Variants in DPP10 observed in about 807,000 individuals in gnomAD.
The protein encoded by DPP10 is inactive dipeptidyl peptidase 10.
In DPP10, 33 loss-of-function variants were observed where a neutral mutation model predicts 120.9. The ratio of observed to expected loss-of-function variants is 0.27; its 90% CI spans 0.21 to 0.37. The LOEUF is 0.37. DPP10 is among the 10% of genes least tolerant of loss of function. The pLI, the probability that DPP10 is intolerant of heterozygous loss-of-function variation, is 1.00. For synonymous variants in DPP10, 337 were observed against 326.1 expected, an observed-to-expected ratio of 1.03 and a Z score of -0.36; for missense variants, 816 against 942.8, an observed-to-expected ratio of 0.87 and a Z score of 1.76.
At chr2:114,469,207 A>T (rs1679689145) in intron 1 of DPP10, among the ~76,000 whole-genome samples, 1 of 152,196 alleles carries the variant, frequency 6.6e-6, no homozygotes, top group African/African-American at 2.4e-5. Context: ...TTATTCCATC[A>T]TCTTAGGGCA....
At chr2:114,942,140 G>T (rs1335849859) in intron 1 of DPP10, among the ~76,000 whole-genome samples, 7 of 150,978 alleles carry the variant, frequency 4.6e-5, no homozygotes, top group African/African-American at 1.7e-4. Context: ...AGGCGCGGTG[G>T]TGGGTGCCTA....
At chr2:114,973,486 C>T (rs2104802640) in intron 1 of DPP10, among the ~76,000 whole-genome samples, 1 of 151,366 alleles carries the variant, frequency 6.6e-6, no homozygotes, top group South Asian at 2.1e-4. Context: ...ACGGTGAAAC[C>T]CCGTCTCTAC....
intron 1 of DPP10, among the ~76,000 whole-genome samples, chr2:114,518,302 T>A (rs919495283): frequency 1.3e-5 from 2 of 152,022 alleles, no homozygotes; most frequent in Non-Finnish European, 2.9e-5. Flanking sequence ...GGTCTCAAAC[T>A]CCCGGCCTCA....
chr2:115,841,579 G>A (rs1690150486), intron 25 of DPP10, among the ~76,000 whole-genome samples: 1 of 152,144 alleles, frequency 6.6e-6, no homozygotes, highest in Non-Finnish European at 1.5e-5. Flanking sequence ...ATAAACAAAT[G>A]TCAGGTCATT....
At chr2:115,448,350 C>T (rs1226175518) in intron 3 of DPP10, among the ~76,000 whole-genome samples, 2 of 152,116 alleles carry the variant, frequency 1.3e-5, no homozygotes, top group Admixed American at 1.3e-4. Flanking sequence ...ACAAACACTA[C>T]CATAAGATGA....
At chr2:114,659,121 C>A (rs1185062824) in intron 1 of DPP10, among the ~76,000 whole-genome samples, 1 of 152,164 alleles carries the variant, frequency 6.6e-6, no homozygotes, top group Non-Finnish European at 1.5e-5. Flanking sequence ...GTCTCCCCAG[C>A]AATAAGCCAG....
Position 114,542,229 on chromosome 2 carries a change from G to A in DPP10, c.60+99391G>A, listed in dbSNP as rs533313362. ...TGCCTGGCTAATTTTTGTATTTACA[G>A]TAGAGATGGGGTTTCACCATGTTGG... On this transcript the variant is annotated intron_variant, in intron 1 of 25. Transcript: ENST00000410059. 3.0e-4 allele frequency among the ~76,000 whole-genome samples: 45 copies of A among 151,936 alleles called. No individual in the cohort carries two copies. In the South Asian group the frequency reaches 4.2e-3, roughly 14 times the overall value.
intron 1 of DPP10, among the ~76,000 whole-genome samples, chr2:115,051,552 TA>T (rs1429884173): frequency 6.6e-6 from 1 of 152,174 alleles, no homozygotes; most frequent in East Asian, 1.9e-4. Context: ...TAATAGTAAA[TA>T]AATAGGCATT....
At chr2:115,689,665 A>G (rs2091199142) in intron 5 of DPP10, 22 bp from the exon 6 acceptor site, 1 of 1,407,496 alleles carries the variant, frequency 7.1e-7, no homozygotes, top group Non-Finnish European at 9.8e-7. Context: ...TATGATCAAT[A>G]ATGTTTCTTT....
chr2:115,107,227 A>G (rs2048992524), intron 1 of DPP10, among the ~76,000 whole-genome samples: 1 of 152,056 alleles, frequency 6.6e-6, no homozygotes, highest in African/African-American at 2.4e-5. Flanking sequence ...GTATTATAAC[A>G]TGAAGGGAAT....
chr2:114,813,431 T>C (rs1006934704), intron 1 of DPP10, among the ~76,000 whole-genome samples: 5 of 152,202 alleles, frequency 3.3e-5, no homozygotes, highest in African/African-American at 1.2e-4. Context: ...GCAAAGTGCT[T>C]GGCTCCTGCA....
chr2:114,972,527 T>C (rs1384608128), intron 1 of DPP10, among the ~76,000 whole-genome samples: 1 of 152,324 alleles, frequency 6.6e-6, no homozygotes, highest in East Asian at 1.9e-4. Context: ...AGCAGGAATC[T>C]AGAAACAGGG....
chr2:114,556,269 A>ATATATATATATATATATATATG (rs70937289), intron 1 of DPP10, among the ~76,000 whole-genome samples: 2 of 139,432 alleles, frequency 1.4e-5, no homozygotes, highest in African/African-American at 5.3e-5. Flanking sequence ...ATATATATAT[A>ATATATATATATATATATATATG]GGCAAATAAT....
At chr2:115,512,631 G>A (rs933764608) in intron 4 of DPP10, among the ~76,000 whole-genome samples, 3 of 151,152 alleles carry the variant, frequency 2.0e-5, no homozygotes, top group Admixed American at 2.0e-4. Flanking sequence ...TATTTCTGTT[G>A]TTATTTATTT....
At chr2:115,076,697 C>T (rs1707827359) in intron 1 of DPP10, among the ~76,000 whole-genome samples, 1 of 152,162 alleles carries the variant, frequency 6.6e-6, no homozygotes, top group African/African-American at 2.4e-5. Flanking sequence ...CCAAGTTCTA[C>T]ATCATATTAT....
chr2:114,601,273 G>A (rs1009557963), intron 1 of DPP10, among the ~76,000 whole-genome samples: 2 of 151,786 alleles, frequency 1.3e-5, no homozygotes, highest in African/African-American at 4.8e-5. Flanking sequence ...AATTGTGTAG[G>A]TGCCACCAAG....
At chr2:115,524,281 T>A (rs949837472) in intron 4 of DPP10, among the ~76,000 whole-genome samples, 3 of 152,160 alleles carry the variant, frequency 2.0e-5, no homozygotes, top group Non-Finnish European at 2.9e-5. Flanking sequence ...GCTACAAATG[T>A]GAGGGTTCTC....
At chr2:115,051,074 A>C (rs1293769285) in intron 1 of DPP10, among the ~76,000 whole-genome samples, 2 of 152,224 alleles carry the variant, frequency 1.3e-5, no homozygotes, top group African/African-American at 4.8e-5. Context: ...TCCAGTTTTC[A>C]ACAACAAACA....
chr2:115,229,739 TC>T, intron 1 of DPP10, among the ~76,000 whole-genome samples: 1 of 151,844 alleles, frequency 6.6e-6, no homozygotes, highest in African/African-American at 2.4e-5. Context: ...TCTATTCTAT[TC>T]TATTCTATTC....
Sources: gnomAD v4.1 joint callset for allele counts (sites outside exome capture counted in the v4.1 genomes callset) on GRCh38, gnomAD v4.1.1 for gene constraint, MANE v1.5 for transcripts, NCBI Gene and HGNC (gene_info 2026-07-23, HGNC 2026-07-21) for gene names.